The following EPCAM variants were observed in gnomAD, a reference collection of about 807,000 sequenced individuals.
The protein encoded by EPCAM is epithelial cell adhesion molecule.
In EPCAM, 39 loss-of-function variants were observed where a neutral mutation model predicts 40.0. That is an observed-to-expected ratio of 0.98 (90% CI 0.76 to 1.27). The LOEUF (loss-of-function observed/expected upper bound fraction) is 1.27. EPCAM is among the 50% of genes most tolerant of loss of function. The pLI is 0.00. For missense variants in EPCAM, 503 were observed against 381.2 expected, an observed-to-expected ratio of 1.32 and a Z score of -2.66; for synonymous variants, 168 against 132.3, an observed-to-expected ratio of 1.27 and a Z score of -1.85.
At chr2:47,376,611 CTACT>C (rs1420886927) in intron 4 of EPCAM, among the ~76,000 whole-genome samples, 1 of 152,148 alleles carries the variant, frequency 6.6e-6, no homozygotes, top group Non-Finnish European at 1.5e-5. Flanking sequence ...GACAGGAAAA[CTACT>C]TAAGCGATCT....
Position 47,386,662 on chromosome 2 carries a change from A to C in EPCAM, c.*49A>C. On this transcript the variant is annotated 3_prime_UTR_variant, in exon 9 of 9. Transcript: ENST00000263735. ...AGAAGGGAAATAGCAAATGGACACA[A>C]ATTACAAATGTGTGTGCGTGGGACG... is the stretch of plus-strand genomic sequence containing the variant. The C allele has an allele frequency of 7.2e-7, 1 of 1,384,370 alleles. No homozygotes were observed. The highest frequency in any genetic ancestry group is 1.0e-6 in the Non-Finnish European group (1 of 972,286). The allele number at this position is 1,384,370 out of a possible 1,614,324, so 85.8% of individuals were successfully genotyped here.
At chr2:47,381,609 G>A (rs891147126) in intron 7 of EPCAM, among the ~76,000 whole-genome samples, 2 of 152,084 alleles carry the variant, frequency 1.3e-5, no homozygotes, top group Non-Finnish European at 2.9e-5. Context: ...TAGGAAAGGC[G>A]TTGGGCAGTG....
chr2:47,373,452 T>TA lies in EPCAM; in HGVS notation c.77-9dup. The TA allele has an allele frequency of 6.4e-7, 1 of 1,572,020 alleles. No individual in the cohort carries two copies. The highest frequency in any genetic ancestry group is 8.7e-7 in the Non-Finnish European group (1 of 1,144,682). Reference sequence around the variant, plus strand: ...CACATTTTAAAGTAGATTTTTTTTTTAATTTTCTAGAATGTGTCTGTGAAA... The same window carrying TA: ...CACATTTTAAAGTAGATTTTTTTTTTAAATTTTCTAGAATGTGTCTGTGAAA... On this transcript the variant is annotated splice_polypyrimidine_tract_variant and intron_variant, in intron 1 of 8. Transcript: ENST00000263735.
chr2:47,373,856 T>C lies in EPCAM; in HGVS notation c.233T>C (p.Leu78Pro), dbSNP rs779246633. Residue 78 changes from leucine to proline, a missense_variant, in exon 3 of 9, where the codon CTT becomes CCT. Physicochemically the swap from Leu to Pro is moderately conservative, Grantham distance 98 (BLOSUM62 -3). Transcript: ENST00000263735. ...AAGGCAGAAATGAATGGCTCAAAAC[T>C]TGGGAGAAGAGCAAAACCTGAAGGG... ...VMKAEMNGSK[L>P]GRRAKPEGAL... 2.0e-5 allele frequency: 32 copies of C among 1,613,984 alleles called. 1 individual carries two copies. In the South Asian group the frequency reaches 2.6e-4, roughly 13 times the overall value.
intron 4 of EPCAM, among the ~76,000 whole-genome samples, chr2:47,376,030 TG>T (rs1173257698): frequency 6.6e-6 from 1 of 152,118 alleles, no homozygotes; most frequent in Non-Finnish European, 1.5e-5. Flanking sequence ...TATCACGTTG[TG>T]CCCATTTTCC....
In EPCAM at chr2:47,373,553, C is replaced by T. The variant is rs1671339638; in HGVS notation, c.167C>T (p.Thr56Ile). ...CQCTSVGAQN[T>I]VICSKLAAKC... Reference sequence around the variant, plus strand: ...TGTACTTCAGTTGGTGCACAAAATACTGTCATTTGCTCAAAGCGTGAGTAA... The same window carrying T: ...TGTACTTCAGTTGGTGCACAAAATATTGTCATTTGCTCAAAGCGTGAGTAA... The change falls in exon 2 of 9, where the codon ACT becomes ATT. Residue 56 changes from threonine to isoleucine, a missense_variant. Coordinates refer to ENST00000263735, the MANE Select transcript of EPCAM (RefSeq NM_002354.3). 1 of 1,611,404 alleles carries T rather than the reference C, an allele frequency of 6.2e-7. No homozygotes were observed.
intron 7 of EPCAM, among the ~76,000 whole-genome samples, chr2:47,384,062 G>A (rs185859946): frequency 5.3e-5 from 8 of 151,406 alleles, no homozygotes; most frequent in African/African-American, 1.2e-4. Flanking sequence ...TTCACTTGTC[G>A]TGGTAGACTT....
At chr2:47,385,258 C>A (rs745427999) in intron 8 of EPCAM, 48 bp downstream of exon 8, 7 of 1,406,592 alleles carry the variant, frequency 5.0e-6, no homozygotes, top group Non-Finnish European at 7.1e-6. Flanking sequence ...GAATCTCTTA[C>A]TCCTAATCAC....
intron 4 of EPCAM, among the ~76,000 whole-genome samples, chr2:47,375,983 T>A (rs1671412626): frequency 6.6e-6 from 1 of 152,032 alleles, no homozygotes; most frequent in African/African-American, 2.4e-5. Context: ...CAATTACAGG[T>A]GTGAGCTTCC....
At chr2:47,384,569 G>A (rs770464819) in intron 7 of EPCAM, among the ~76,000 whole-genome samples, 6 of 150,202 alleles carry the variant, frequency 4.0e-5, no homozygotes, top group Admixed American at 3.3e-4. Context: ...GACCACCACC[G>A]CGCCTGGCTA....
At chr2:47,374,072 T>A (rs2103748197) in intron 3 of EPCAM, 24 bp downstream of exon 3, 1 of 1,613,472 alleles carries the variant, frequency 6.2e-7, no homozygotes, top group African/African-American at 1.3e-5. Flanking sequence ...CCTATACTAC[T>A]TGTTTTCATG....
At position 47,386,863 on chromosome 2, in the gene EPCAM, A is replaced by T. The variant is rs978422010; in HGVS notation, c.*250A>T. 3 of 365,822 alleles carry T rather than the reference A, an allele frequency of 8.2e-6. No homozygotes were observed. Among genetic ancestry groups the T allele is most frequent in the Non-Finnish European group, 1.5e-5 (3 of 202,068 alleles). 22.7% of individuals were successfully genotyped at this position (365,822 alleles called of 1,614,324 possible). ...ATCCAGAACTTGGACTCCATCGTTA[A>T]AATTATTTATGTGTAACATTCAAAT... On this transcript the variant is annotated 3_prime_UTR_variant, in exon 9 of 9. Transcript: ENST00000263735.
chr2:47,381,941 A>G (rs1425709174), intron 7 of EPCAM, among the ~76,000 whole-genome samples: 2 of 152,004 alleles, frequency 1.3e-5, no homozygotes, highest in Non-Finnish European at 2.9e-5. Flanking sequence ...TAATTTTTTA[A>G]TTTTTAGTAG....
chr2:47,373,552 A>G lies in EPCAM; in HGVS notation c.166A>G (p.Thr56Ala), dbSNP rs2103745933. The change falls in exon 2 of 9, where the codon ACT becomes GCT. Residue 56 changes from threonine to alanine, a missense_variant. By Grantham distance (58) the Thr-to-Ala change is moderately conservative (BLOSUM62 0). Transcript: ENST00000263735. ...GTGTACTTCAGTTGGTGCACAAAAT[A>G]CTGTCATTTGCTCAAAGCGTGAGTA... Reference protein sequence around the residue: ...CQCTSVGAQNTVICSKLAAKC... With the variant: ...CQCTSVGAQNAVICSKLAAKC... 6.2e-7 allele frequency: 1 copy of G among 1,612,310 alleles called. No individual in the cohort carries two copies. The highest frequency in any genetic ancestry group is 8.5e-7 in the Non-Finnish European group (1 of 1,178,424).
intron 7 of EPCAM, among the ~76,000 whole-genome samples, 200 bp from the exon 8 acceptor site, chr2:47,384,966 C>T (rs557972460): frequency 6.6e-6 from 1 of 152,136 alleles, no homozygotes; most frequent in East Asian, 1.9e-4. Context: ...TTCGGCCTCC[C>T]AAAGTGCCGG....
chr2:47,380,542 C>T (rs988972793), intron 7 of EPCAM, among the ~76,000 whole-genome samples: 1 of 152,176 alleles, frequency 6.6e-6, no homozygotes, highest in Non-Finnish European at 1.5e-5. Flanking sequence ...CAGCAAGCGT[C>T]TTTCAGTTGT....
intron 7 of EPCAM, 83 bp downstream of exon 7, chr2:47,380,052 A>G (rs963904440): frequency 6.5e-7 from 1 of 1,546,502 alleles, no homozygotes; most frequent in African/African-American, 1.4e-5. Context: ...GTGGCTCACC[A>G]CACCTGTTAT....
chr2:47,371,055 G>A (rs1182248154), intron 1 of EPCAM, among the ~76,000 whole-genome samples: 1 of 152,138 alleles, frequency 6.6e-6, no homozygotes, highest in Non-Finnish European at 1.5e-5. Flanking sequence ...ATGTTGCCCA[G>A]GCTGGTCTCG....
rs1671301057 is a variant in EPCAM, at chr2:47,372,526, C to T, written c.77-937C>T. On this transcript the variant is annotated intron_variant, in intron 1 of 8. Coordinates refer to ENST00000263735, the MANE Select transcript of EPCAM (RefSeq NM_002354.3). ...CGGTGGCTGACACCTGTAATCCCAG[C>T]ACTTTGGTAGGCCGAGGCGGACGGA... 2.6e-5 allele frequency among the ~76,000 whole-genome samples: 4 copies of T among 152,118 alleles called. No homozygotes were observed. In the South Asian group the frequency reaches 8.3e-4, roughly 32 times the overall value.
Sources: allele counts gnomAD v4.1 joint callset (sites outside exome capture counted in the v4.1 genomes callset), GRCh38; gene constraint gnomAD v4.1.1; transcripts MANE v1.5; gene names NCBI Gene and HGNC (gene_info 2026-07-23, HGNC 2026-07-21).